The following FCHSD2 variants were observed in gnomAD, a reference collection of about 807,000 sequenced individuals.
FCHSD2 encodes the protein FCH and double SH3 domains 2.
Under a neutral mutation model 108.1 loss-of-function variants are expected in FCHSD2, and 38 were observed. The ratio of observed to expected loss-of-function variants is 0.35; its 90% confidence interval spans 0.27 to 0.46. The LOEUF (loss-of-function observed/expected upper bound fraction) is 0.46, where lower values mean the gene tolerates loss of function less well. FCHSD2 is among the 20% of genes least tolerant of loss of function. The pLI is 1.00. For synonymous variants in FCHSD2, 279 were observed against 314.7 expected (o/e 0.89, Z 1.20); for missense variants, 751 against 897.8 (o/e 0.84, Z 2.09).
At chr11:72,896,910 C>T (rs1855432586) in intron 10 of FCHSD2, among the ~76,000 whole-genome samples, 2 of 151,924 alleles carry the variant, frequency 1.3e-5, no homozygotes, top group South Asian at 4.2e-4. Context: ...CACTGCAAGC[C>T]CCGCCTCCCA....
At chr11:73,054,534 T>C (rs944691639) in intron 3 of FCHSD2, among the ~76,000 whole-genome samples, 1 of 149,684 alleles carries the variant, frequency 6.7e-6, no homozygotes, top group Non-Finnish European at 1.5e-5. Context: ...CTGATCCAGA[T>C]AGGGGAAGAA....
At chr11:73,090,839 ATGT>A (rs1258622518) in intron 2 of FCHSD2, among the ~76,000 whole-genome samples, 3 of 152,322 alleles carry the variant, frequency 2.0e-5, no homozygotes, top group East Asian at 3.9e-4. Context: ...GCATTCACAA[ATGT>A]TGTACAACCA....
chr11:72,997,515 G>A (rs150917575), intron 5 of FCHSD2, among the ~76,000 whole-genome samples: 1 of 152,024 alleles, frequency 6.6e-6, no homozygotes, highest in Non-Finnish European at 1.5e-5. Context: ...AAGAAAAACC[G>A]CAGGCGGTTA....
At chr11:72,879,402 T>C (rs1434369963) in intron 12 of FCHSD2, among the ~76,000 whole-genome samples, 1 of 152,206 alleles carries the variant, frequency 6.6e-6, no homozygotes, top group East Asian at 1.9e-4. Context: ...ACTTAGTAGG[T>C]ATTTGAAAAG....
intron 3 of FCHSD2, among the ~76,000 whole-genome samples, chr11:73,045,651 A>C (rs1047787138): frequency 2.0e-5 from 3 of 150,692 alleles, no homozygotes; most frequent in Admixed American, 2.0e-4. Flanking sequence ...CATCATTCTC[A>C]GTAAACTATC....
At chr11:72,996,813 G>A (rs1178567755) in intron 5 of FCHSD2, among the ~76,000 whole-genome samples, 2 of 152,168 alleles carry the variant, frequency 1.3e-5, no homozygotes, top group Admixed American at 6.5e-5. Context: ...CAGCATTAAA[G>A]ACCACCACCA....
chr11:72,895,402 A>T lies in FCHSD2; in HGVS notation c.925-5457T>A, dbSNP rs560552838. ...GAAAGTAAAACAAAAATGGCATAAAAACCTTGCGTCTAACACTTTTGAGAA... is the reference window on the plus strand; with the variant it reads ...GAAAGTAAAACAAAAATGGCATAAATACCTTGCGTCTAACACTTTTGAGAA... On this transcript the variant is annotated intron_variant, in intron 10 of 19. Coordinates refer to ENST00000409418, the MANE Select transcript of FCHSD2 (RefSeq NM_014824.3). 3.9e-5 allele frequency among the ~76,000 whole-genome samples: 6 copies of T among 152,342 alleles called. No individual in the cohort carries two copies. In the South Asian group the frequency reaches 1.0e-3, roughly 26 times the overall value.
chr11:72,926,843 T>A (rs1387282308), intron 8 of FCHSD2, among the ~76,000 whole-genome samples: 3 of 152,166 alleles, frequency 2.0e-5, no homozygotes, highest in African/African-American at 4.8e-5. Flanking sequence ...TGAATTTAGA[T>A]GTAGAAGCAT....
intron 1 of FCHSD2, among the ~76,000 whole-genome samples, chr11:73,140,447 G>C (rs1861219492): frequency 6.6e-6 from 1 of 152,180 alleles, no homozygotes; most frequent in East Asian, 1.9e-4. Flanking sequence ...TTTTAAAAGA[G>C]CCTGTCTTCT....
chr11:73,051,296 C>CA (rs1208769565), intron 3 of FCHSD2, among the ~76,000 whole-genome samples: 1 of 151,964 alleles, frequency 6.6e-6, no homozygotes, highest in African/African-American at 2.4e-5. Context: ...GATTGGGTGA[C>CA]AGAGTAAGAC....
chr11:72,939,608 CCTTTT>C (rs1396043092), intron 8 of FCHSD2, among the ~76,000 whole-genome samples: 1 of 105,410 alleles, frequency 9.5e-6, no homozygotes, highest in African/African-American at 3.3e-5. Context: ...TCTTTCTTTT[CCTTTT>C]TTTTTTTTTT....
chr11:73,020,687 T>C (rs998247677), intron 3 of FCHSD2, among the ~76,000 whole-genome samples: 1 of 152,058 alleles, frequency 6.6e-6, no homozygotes, highest in Admixed American at 6.5e-5. Flanking sequence ...AACAGTATAT[T>C]ATTTTAAATT....
intron 8 of FCHSD2, among the ~76,000 whole-genome samples, chr11:72,983,150 T>C (rs958027463): frequency 5.3e-5 from 8 of 151,650 alleles, no homozygotes; most frequent in East Asian, 3.9e-4. Flanking sequence ...AAAAATTAGC[T>C]GGGCGTAGTG....
At chr11:73,057,068 G>A (rs1279839777) in intron 3 of FCHSD2, among the ~76,000 whole-genome samples, 1 of 152,138 alleles carries the variant, frequency 6.6e-6, no homozygotes, top group Non-Finnish European at 1.5e-5. Flanking sequence ...GGGCGACAGA[G>A]CAAGACTCCG....
At chr11:72,941,821 C>T (rs150383005) in intron 8 of FCHSD2, among the ~76,000 whole-genome samples, 2,150 of 151,862 alleles carry the variant, frequency 0.014, 28 homozygotes, top group Non-Finnish European at 0.024. Context: ...TTGTTTTTGA[C>T]CAGGGAATGT....
intron 9 of FCHSD2, among the ~76,000 whole-genome samples, chr11:72,913,821 A>G (rs79725269): frequency 2.5e-4 from 36 of 144,556 alleles, no homozygotes; most frequent in Non-Finnish European, 4.1e-4. Flanking sequence ...ACCAAAAAAA[A>G]CCCAAAAAAA....
At chr11:73,121,115 T>A (rs1234224159) in intron 2 of FCHSD2, among the ~76,000 whole-genome samples, 1 of 152,026 alleles carries the variant, frequency 6.6e-6, no homozygotes, top group African/African-American at 2.4e-5. Context: ...CTCAACTTCC[T>A]TAAAAAGCAA....
intron 3 of FCHSD2, among the ~76,000 whole-genome samples, chr11:73,052,870 G>A (rs1259200749): frequency 6.6e-6 from 1 of 152,094 alleles, no homozygotes; most frequent in East Asian, 1.9e-4. Flanking sequence ...TTTTTGAGAT[G>A]GAGTCTCACT....
intron 6 of FCHSD2, among the ~76,000 whole-genome samples, chr11:72,987,894 C>G (rs1857339350): frequency 6.6e-6 from 1 of 152,144 alleles, no homozygotes; most frequent in Admixed American, 6.6e-5. Flanking sequence ...TTCACTGACT[C>G]TATAAAAGTA....
Sources: gnomAD v4.1 joint callset for allele counts (sites outside exome capture counted in the v4.1 genomes callset) on GRCh38, gnomAD v4.1.1 for gene constraint, MANE v1.5 for transcripts, NCBI Gene and HGNC (gene_info 2026-07-23, HGNC 2026-07-21) for gene names.